PRSS27: variants seen among roughly 807,000 people sequenced by gnomAD.
PRSS27 encodes the protein serine protease 27, also known as channel-activating protease 2.
A neutral mutation model predicts 32.0 loss-of-function variants in PRSS27; 25 were observed. That is an observed-to-expected ratio of 0.78 (90% CI 0.57 to 1.09). PRSS27 has a LOEUF of 1.09. Among genes scored for constraint, PRSS27 ranks in the 50% least tolerant of loss-of-function variants. PRSS27 has a pLI of 0.00. For missense variants in PRSS27, 401 were observed against 394.9 expected (o/e 1.02, Z -0.13); for synonymous variants, 178 against 172.2 (o/e 1.03, Z -0.26).
At chr16:2,715,693 CG>C in intron 3 of PRSS27, 24 bp downstream of exon 3, 7 of 1,536,058 alleles carry the variant, frequency 4.6e-6, no homozygotes, top group Admixed American at 1.9e-5. Context: ...GCGCTATGGG[CG>C]GGGGCAGGGG....
At chr16:2,715,658 A>G (rs1200644821) in intron 3 of PRSS27, 60 bp downstream of exon 3, 5 of 1,435,304 alleles carry the variant, frequency 3.5e-6, no homozygotes, top group Non-Finnish European at 4.7e-6. Context: ...ACGGTGCTGA[A>G]CCGGTCGCGC....
chr16:2,713,456 C>T (rs747200180), intron 5 of PRSS27, 73 bp downstream of exon 5: 104 of 1,453,804 alleles, frequency 7.2e-5, no homozygotes, highest in Middle Eastern at 1.7e-4. Flanking sequence ...GCCCATGGAG[C>T]GGGGCATGAT....
At chr16:2,713,752 A>G (rs2067681492) in intron 4 of PRSS27, 54 bp from the exon 5 acceptor site, 2 of 1,583,840 alleles carry the variant, frequency 1.3e-6, no homozygotes, top group East Asian at 4.5e-5. Context: ...TCAAGAACCC[A>G]CGGCCCCGGG....
intron 5 of PRSS27, chr16:2,713,016 T>C: frequency 1.8e-6 from 1 of 556,058 alleles, no homozygotes. Context: ...GGTGTGTGTG[T>C]GTGTTGAAAA....
chr16:2,715,737 C>T lies in PRSS27; in HGVS notation c.217G>A (p.Ala73Thr). 6.4e-7 allele frequency: 1 copy of T among 1,558,716 alleles called. No individual in the cohort carries two copies. Among genetic ancestry groups the T allele is most frequent in the Admixed American group, 1.9e-5 (1 of 52,834 alleles). Residue 73 changes from alanine to threonine, a missense_variant, in exon 3 of 6, where the codon GCT becomes ACT. Coordinates refer to ENST00000302641, the MANE Select transcript of PRSS27 (RefSeq NM_031948.5). ...ACTCACTTGCGGAAGCAGTGCGCAGCCGTCAGGACCCACTGCTCCGCGATG... is the reference window on the plus strand; with the variant it reads ...ACTCACTTGCGGAAGCAGTGCGCAGTCGTCAGGACCCACTGCTCCGCGATG... ...SLIAEQWVLT[A>T]AHCFRNTSET... is the part of the protein sequence containing the mutation.
chr16:2,713,378 G>A (rs759872133), intron 5 of PRSS27, 151 bp downstream of exon 5: 22 of 822,660 alleles, frequency 2.7e-5, no homozygotes, highest in South Asian at 4.2e-5. Flanking sequence ...GATTACAGGC[G>A]TGAGCCACCA....
In PRSS27 at chr16:2,714,168, G is replaced by A. The variant is rs1177266553; in HGVS notation, c.405C>T (p.Pro135=). Residue 135 remains proline, a synonymous_variant, in exon 4 of 6, where the codon CCC becomes CCT. Transcript: ENST00000302641. This position sits in a 1 kb window ranked among gnomAD's most constrained non-coding sequence, Gnocchi z 4.7. ...VALVELEAPV[P]FTNYILPVCL... ...ACACGGGGAGGATGTAATTGGTGAA[G>A]GGCACTGGTGCCTCCAGCTCCACCA... 1.9e-6 allele frequency: 3 copies of A among 1,613,966 alleles called. No individual in the cohort carries two copies. The highest frequency in any genetic ancestry group is 2.5e-6 in the Non-Finnish European group (3 of 1,180,042).
rs1203820856 is a variant in PRSS27 at position 2,712,616 on chromosome 16, G to A, written c.*4C>T. 5 of 1,575,606 alleles carry A rather than the reference G, an allele frequency of 3.2e-6. No homozygotes were observed. The highest frequency in any genetic ancestry group is 1.7e-4 in the Middle Eastern group (1 of 5,938). On this transcript the variant is annotated 3_prime_UTR_variant, in exon 6 of 6. Coordinates refer to ENST00000302641, the MANE Select transcript of PRSS27 (RefSeq NM_031948.5). This position sits in a 1 kb window ranked among gnomAD's most constrained non-coding sequence, Gnocchi z 4.6. Reference sequence around the variant, plus strand: ...TGCTCAAGGGGCTCCTGGCCCCGGGGGTCTCACTTCTGGCCGCCCAACCTC... The same window carrying A: ...TGCTCAAGGGGCTCCTGGCCCCGGGAGTCTCACTTCTGGCCGCCCAACCTC...
chr16:2,715,531 G>C (rs556611669), intron 3 of PRSS27, 187 bp downstream of exon 3: 2 of 516,660 alleles, frequency 3.9e-6, no homozygotes, highest in East Asian at 7.0e-5. Flanking sequence ...GGGAGCAGCG[G>C]TTGCAACTGG....
Position 2,715,872 on chromosome 16 carries a change from G to A in PRSS27, c.82C>T (p.Arg28Cys), listed in dbSNP as rs2067698946. 6.3e-7 allele frequency: 1 copy of A among 1,578,012 alleles called. No individual in the cohort carries two copies. Among genetic ancestry groups the A allele is most frequent in the African/African-American group, 1.3e-5 (1 of 74,176 alleles). The change falls in exon 3 of 6, where the codon CGC becomes TGC. Residue 28 changes from arginine to cysteine, a missense_variant. By Grantham distance (180) the Arg-to-Cys change is radical. Transcript: ENST00000302641. ...ACCATTCGGTTCAGCATCCTGGGGC[G>A]ACCACAGGCTGGGGGAGCATGGGGA... ...QRAKAATACG[R>C]PRMLNRMVGG...
chr16:2,715,908 G>T, intron 2 of PRSS27, 28 bp from the exon 3 acceptor site: 1 of 1,526,694 alleles, frequency 6.6e-7, no homozygotes. Flanking sequence ...GCGGGTGGGG[G>T]CGCTCACTGG....
At chr16:2,716,205 T>C (rs1304344622) in intron 2 of PRSS27, 4 of 570,718 alleles carry the variant, frequency 7.0e-6, no homozygotes, top group South Asian at 6.9e-5. Context: ...AGAACAGGTG[T>C]CAAGCCCTCT....
intron 4 of PRSS27, 24 bp from the exon 5 acceptor site, chr16:2,713,722 G>A (rs1412022864): frequency 6.2e-7 from 1 of 1,610,464 alleles, no homozygotes; most frequent in Admixed American, 1.7e-5. Flanking sequence ...GAACAGCCCA[G>A]GGCTCAACGG....
rs2067668132 is a variant in PRSS27 at position 2,712,540 on chromosome 16, G to A, written c.*80C>T. 9 of 1,285,230 alleles carry A rather than the reference G, an allele frequency of 7.0e-6. No homozygotes were observed. In the Admixed American group the frequency reaches 1.7e-4, roughly 25 times the overall value. 79.6% of individuals were successfully genotyped at this position (1,285,230 alleles called of 1,614,324 possible). On this transcript the variant is annotated 3_prime_UTR_variant, in exon 6 of 6. Coordinates refer to ENST00000302641, the MANE Select transcript of PRSS27 (RefSeq NM_031948.5). The surrounding 1 kb of genome is among the most constrained non-coding windows in gnomAD (Gnocchi z 4.6). ...TGGGGCTCACAGGTGCAACAGCAGC[G>A]CTGGGAGGACCAGCAGGATGGTGTG...
chr16:2,713,181 C>T, intron 5 of PRSS27: 2 of 459,432 alleles, frequency 4.4e-6, no homozygotes, highest in Non-Finnish European at 8.0e-6. Context: ...TCACTGCAAG[C>T]TCCGCCTCCC....
intron 5 of PRSS27, chr16:2,713,101 CTTTTTT>C: frequency 2.7e-6 from 1 of 376,046 alleles, no homozygotes; most frequent in South Asian, 4.4e-5. Context: ...TCTGCTTTTT[CTTTTTT>C]TTTTTTATTG....
intron 5 of PRSS27, chr16:2,713,206 C>T: frequency 2.2e-6 from 1 of 455,468 alleles, no homozygotes; most frequent in Non-Finnish European, 4.1e-6. Context: ...TCGCGCCATT[C>T]TCCTGCCTCA....
Position 2,712,630 on chromosome 16 carries a change from C to T in PRSS27, c.863G>A (p.Gly288Asp), listed in dbSNP as rs2067669005. 1.3e-6 allele frequency: 2 copies of T among 1,583,464 alleles called. No homozygotes were observed. The highest frequency in any genetic ancestry group is 1.7e-6 in the Non-Finnish European group (2 of 1,164,540). ...KLQFQPARLG[G>D]QK ...CTGGCCCCGGGGGTCTCACTTCTGG[C>T]CGCCCAACCTCGCTGGCTGGAACTG... The change falls in exon 6 of 6, where the codon GGC becomes GAC. Residue 288 changes from glycine to aspartate, a missense_variant. Transcript: ENST00000302641. The surrounding 1 kb of genome is among the most constrained non-coding windows in gnomAD (Gnocchi z 4.6).
intron 5 of PRSS27, chr16:2,713,112 TTA>T: frequency 2.1e-6 from 1 of 480,764 alleles, no homozygotes; most frequent in East Asian, 3.4e-5. Context: ...TTTTTTTTTT[TTA>T]TTGAGACGGA....
Sources: allele counts gnomAD v4.1 joint callset, GRCh38; gene constraint gnomAD v4.1.1; non-coding constraint Gnocchi (gnomAD v3.1); transcripts MANE v1.5; gene names NCBI Gene and HGNC (gene_info 2026-07-23, HGNC 2026-07-21).